Variants in CNTN3 observed in about 807,000 individuals in gnomAD.
CNTN3 encodes contactin 3, also known as contactin-3.
CNTN3 carries 60 observed loss-of-function variants against 119.1 expected under a neutral mutation model. That is an observed-to-expected ratio of 0.50 (90% CI 0.41 to 0.62). The LOEUF is 0.62. CNTN3 is among the 20% of genes least tolerant of loss of function. The pLI, the probability that CNTN3 is intolerant of heterozygous loss-of-function variation, is 0.00. For synonymous variants in CNTN3, 450 were observed against 438.7 expected (o/e 1.03, Z -0.32); for missense variants, 1,101 against 1,242.4 (o/e 0.89, Z 1.71).
chr3:74,392,055 G>C (rs929811388), intron 5 of CNTN3, among the ~76,000 whole-genome samples: 14 of 151,982 alleles, frequency 9.2e-5, no homozygotes, highest in Non-Finnish European at 8.8e-5. Context: ...CCCTGAGATG[G>C]GGGAAAAATA....
At chr3:74,535,447 C>G (rs935420282) in intron 1 of CNTN3, among the ~76,000 whole-genome samples, 1 of 152,060 alleles carries the variant, frequency 6.6e-6, no homozygotes, top group Non-Finnish European at 1.5e-5. Flanking sequence ...AGCAATGATT[C>G]ACGATGATAG....
intron 13 of CNTN3, among the ~76,000 whole-genome samples, chr3:74,319,455 C>T (rs1429713928): frequency 6.6e-6 from 1 of 152,124 alleles, no homozygotes; most frequent in African/African-American, 2.4e-5. Flanking sequence ...GGAAAACTGG[C>T]TAGCAATATG....
In CNTN3 at chr3:74,301,680, G is replaced by C. The variant is rs1243341381; in HGVS notation, c.1912C>G (p.Pro638Ala). 6.2e-7 allele frequency: 1 copy of C among 1,614,048 alleles called. No homozygotes were observed. Among genetic ancestry groups the C allele is most frequent in the Non-Finnish European group, 8.5e-7 (1 of 1,179,980 alleles). ...ACGGTTTGCCAACCCACGGAGAAAG[G>C]TGTCCGAGCCTGGATAGAATAGGAT... ...VISYSIQART[P>A]FSVGWQTVTT... is the part of the protein sequence containing the mutation. Residue 638 changes from proline (P) to alanine (A), a missense_variant, in exon 15 of 23, where the codon CCT becomes GCT. Coordinates refer to ENST00000263665, the MANE Select transcript of CNTN3 (RefSeq NM_020872.3).
At chr3:74,380,949 T>A (rs1165191487) in intron 5 of CNTN3, among the ~76,000 whole-genome samples, 1 of 152,062 alleles carries the variant, frequency 6.6e-6, no homozygotes, top group African/African-American at 2.4e-5. Flanking sequence ...TTTTCACTGG[T>A]AAACAGAAAT....
rs1559669308 is a variant in CNTN3, at chr3:74,264,111, G to C, written c.*290C>G. ...CGTGTGTGTGTACATGTGAGAGTGT[G>C]TGAGTCTTTATCCATAGGCAGTGCT... On this transcript the variant is annotated 3_prime_UTR_variant, in exon 23 of 23. Transcript: ENST00000263665. The C allele has an allele frequency of 4.7e-6, 1 of 212,894 alleles. No homozygotes were observed. The highest frequency in any genetic ancestry group is 9.2e-6 in the Non-Finnish European group (1 of 108,812). The allele number at this position is 212,894 out of a possible 1,614,324, so 13.2% of individuals were successfully genotyped here. A position where few individuals can be genotyped will look rare whatever the true frequency, so the allele number is the denominator to read the frequency against.
At chr3:74,486,285 G>A (rs1314605189) in intron 4 of CNTN3, among the ~76,000 whole-genome samples, 171 bp downstream of exon 4, 1 of 151,316 alleles carries the variant, frequency 6.6e-6, no homozygotes, top group Non-Finnish European at 1.5e-5. Context: ...CACATTTAAA[G>A]CTCTGATTTG....
intron 4 of CNTN3, among the ~76,000 whole-genome samples, chr3:74,459,744 C>T (rs1434258947): frequency 1.3e-5 from 2 of 151,960 alleles, no homozygotes; most frequent in Non-Finnish European, 2.9e-5. Flanking sequence ...AGGTAGTGTG[C>T]CCAAATACCC....
Position 74,602,604 on chromosome 3 carries a change from T to G in CNTN3, c.-81+11787A>C, listed in dbSNP as rs1431452810. 2.0e-5 allele frequency among the ~76,000 whole-genome samples: 3 copies of G among 152,212 alleles called. No homozygotes were observed. The East Asian group carries it at 5.8e-4, about 30-fold the overall frequency. Reference sequence around the variant, plus strand: ...TCAGACTTCCAGTCAGATTACTTGATTAGATAAGAACTTTTGGGGCATAGT... The same window carrying G: ...TCAGACTTCCAGTCAGATTACTTGAGTAGATAAGAACTTTTGGGGCATAGT... On this transcript the variant is annotated intron_variant, in intron 1 of 22. Transcript: ENST00000263665.
intron 5 of CNTN3, among the ~76,000 whole-genome samples, chr3:74,411,388 C>T (rs866224105): frequency 6.6e-6 from 1 of 152,030 alleles, no homozygotes; most frequent in Non-Finnish European, 1.5e-5. Flanking sequence ...GTGTGCTGCT[C>T]AGAACATCCG....
chr3:74,566,991 G>A (rs898078975), intron 1 of CNTN3, among the ~76,000 whole-genome samples: 14 of 152,154 alleles, frequency 9.2e-5, no homozygotes, highest in African/African-American at 3.4e-4. Context: ...GATATGGCCA[G>A]AGATGCCATT....
intron 4 of CNTN3, among the ~76,000 whole-genome samples, chr3:74,448,780 T>C (rs1702093712): frequency 6.6e-6 from 1 of 152,112 alleles, no homozygotes. Flanking sequence ...ACCAGAATGG[T>C]CCATTTCATA....
At chr3:74,370,555 C>A (rs924893883) in intron 6 of CNTN3, among the ~76,000 whole-genome samples, 1 of 151,970 alleles carries the variant, frequency 6.6e-6, no homozygotes, top group Non-Finnish European at 1.5e-5. Flanking sequence ...AGTTAAGAAA[C>A]AATGACTTAA....
chr3:74,302,666 C>T (rs369181417), intron 14 of CNTN3, 24 bp downstream of exon 14: 77 of 1,418,582 alleles, frequency 5.4e-5, no homozygotes, highest in African/African-American at 7.1e-5. Context: ...AAGTGACAAA[C>T]TCAAGGGGGC....
intron 4 of CNTN3, among the ~76,000 whole-genome samples, chr3:74,475,212 A>G (rs569785556): frequency 6.6e-6 from 1 of 152,334 alleles, no homozygotes; most frequent in Non-Finnish European, 1.5e-5. Context: ...ACAGAACTGA[A>G]TAAAAAATAA....
chr3:74,585,800 G>A (rs1050894832), intron 1 of CNTN3, among the ~76,000 whole-genome samples: 2 of 152,164 alleles, frequency 1.3e-5, no homozygotes, highest in East Asian at 1.9e-4. Context: ...AGCTAAAAAT[G>A]TATTTAATGT....
chr3:74,430,306 C>A (rs1419919069), intron 4 of CNTN3, among the ~76,000 whole-genome samples: 22 of 152,182 alleles, frequency 1.4e-4, no homozygotes, highest in Admixed American at 1.4e-3. Context: ...TGCTACCCTG[C>A]AACTCAAAGC....
At chr3:74,278,529 T>C (rs1355553362) in intron 20 of CNTN3, among the ~76,000 whole-genome samples, 3 of 152,156 alleles carry the variant, frequency 2.0e-5, no homozygotes, top group Non-Finnish European at 4.4e-5. Flanking sequence ...TTTCAACAAA[T>C]GGTGCTGATA....
chr3:74,485,678 G>A (rs113038822), intron 4 of CNTN3, among the ~76,000 whole-genome samples: 3 of 151,020 alleles, frequency 2.0e-5, no homozygotes, highest in Non-Finnish European at 4.4e-5. Context: ...TCAGAACCAA[G>A]GTAATCATGA....
chr3:74,489,413 TCCTCCCTC>T (rs1173671257), intron 3 of CNTN3, among the ~76,000 whole-genome samples: 3 of 146,940 alleles, frequency 2.0e-5, no homozygotes, highest in African/African-American at 7.4e-5. Context: ...CCCCTTCCCT[TCCTCCCTC>T]CCTCCCTTCT....
Sources: gnomAD v4.1 joint callset for allele counts (sites outside exome capture counted in the v4.1 genomes callset) on GRCh38, gnomAD v4.1.1 for gene constraint, MANE v1.5 for transcripts, NCBI Gene and HGNC (gene_info 2026-07-23, HGNC 2026-07-21) for gene names.